LBH: variants seen among roughly 807,000 people sequenced by gnomAD.
LBH encodes protein LBH.
In LBH, 7 loss-of-function variants were observed where a neutral mutation model predicts 12.5. The ratio of observed to expected loss-of-function variants is 0.56; its 90% CI spans 0.32 to 1.05. LBH has a LOEUF of 1.05. LBH is among the 50% of genes least tolerant of loss of function. The probability of loss-of-function intolerance (pLI) is 0.04; values close to 1 mark genes in which losing one functional copy is unlikely to be tolerated. For missense variants in LBH, 119 were observed against 138.9 expected (o/e 0.86, Z 0.72); for synonymous variants, 51 against 50.1 (o/e 1.02, Z -0.08).
At chr2:30,254,433 G>T (rs898573088) in intron 2 of LBH, among the ~76,000 whole-genome samples, 1 of 152,184 alleles carries the variant, frequency 6.6e-6, no homozygotes, top group African/African-American at 2.4e-5. Flanking sequence ...AAGTTGGGGG[G>T]TGGTAACTAG....
intron 2 of LBH, among the ~76,000 whole-genome samples, chr2:30,239,056 A>AT (rs1677739806): frequency 1.3e-5 from 2 of 151,800 alleles, no homozygotes; most frequent in South Asian, 2.1e-4. Flanking sequence ...CGCCCAGCTA[A>AT]TTTTTTGTAT....
intron 2 of LBH, among the ~76,000 whole-genome samples, chr2:30,250,944 G>T (rs1029336233): frequency 2.7e-5 from 4 of 150,858 alleles, no homozygotes; most frequent in Non-Finnish European, 5.9e-5. Context: ...GCCATTTAAG[G>T]TTACATTAAA....
chr2:30,232,464 C>T, intron 1 of LBH: 1 of 439,102 alleles, frequency 2.3e-6, no homozygotes, highest in South Asian at 3.7e-5. Flanking sequence ...GGATCGGAGC[C>T]GGGAGGGATG....
chr2:30,250,195 G>A (rs1279336305), intron 2 of LBH, among the ~76,000 whole-genome samples: 2 of 152,164 alleles, frequency 1.3e-5, no homozygotes, highest in East Asian at 3.9e-4. Flanking sequence ...ACAAGAGAGG[G>A]TAGAAGCTTA....
chr2:30,236,025 G>A (rs1449547794), intron 2 of LBH, among the ~76,000 whole-genome samples: 2 of 152,198 alleles, frequency 1.3e-5, no homozygotes, highest in African/African-American at 2.4e-5. Context: ...ACCAGCCAGG[G>A]GGTTTTGGGT....
Position 30,257,790 on chromosome 2 carries a change from C to CTTTTT in LBH, c.*178_*182dup, listed in dbSNP as rs113721073. On this transcript the variant is annotated 3_prime_UTR_variant, in exon 3 of 3. Transcript: ENST00000395323. ...AGTTGGTTTTCTTTTCTTTTCTTGC[C>CTTTTT]TTTTTTTTTTTTTGAAATTTGCCGA... is the stretch of plus-strand genomic sequence containing the variant. 6,967 of 400,266 alleles carry CTTTTT rather than the reference C, an allele frequency of 0.017. 55 individuals carry two copies. The highest frequency in any genetic ancestry group is 0.038 in the African/African-American group (1,547 of 41,146). 24.8% of individuals were successfully genotyped at this position (400,266 alleles called of 1,614,324 possible).
intron 1 of LBH, chr2:30,232,736 C>CA (rs1389866454): frequency 6.6e-6 from 1 of 152,472 alleles, no homozygotes; most frequent in African/African-American, 2.4e-5. Flanking sequence ...GCCGGCGCCA[C>CA]AGCCCCGAGC....
chr2:30,247,292 A>G (rs1039915927), intron 2 of LBH, among the ~76,000 whole-genome samples: 2 of 152,346 alleles, frequency 1.3e-5, no homozygotes, highest in Middle Eastern at 3.4e-3. Flanking sequence ...CAAGTTATGC[A>G]GGTCTTCAAA....
rs563897947 is a variant in LBH, at chr2:30,245,345, A to G, written c.129+10838A>G. On this transcript the variant is annotated intron_variant, in intron 2 of 2. Coordinates refer to ENST00000395323, the MANE Select transcript of LBH (RefSeq NM_030915.4). ...ATGTATATTTTATTTTAAAATGTCAATATGTATAATATATCAGGGATTTTA... is the reference window on the plus strand; with the variant it reads ...ATGTATATTTTATTTTAAAATGTCAGTATGTATAATATATCAGGGATTTTA... Among the ~76,000 whole-genome samples, 5 of 152,350 alleles carry G rather than the reference A, an allele frequency of 3.3e-5. No homozygotes were observed. In the South Asian group the frequency reaches 6.2e-4, roughly 19 times the overall value.
chr2:30,257,868 A>T lies in LBH; in HGVS notation c.*247A>T. ...GGCCCTCTGAGAAAGGAAGCTGCTT[A>T]GAGCCAGGGGGTTAGTGGGTGAGGG... On this transcript the variant is annotated 3_prime_UTR_variant, in exon 3 of 3. Transcript: ENST00000395323. 1 of 356,988 alleles carries T rather than the reference A, an allele frequency of 2.8e-6. No homozygotes were observed. The highest frequency in any genetic ancestry group is 5.0e-6 in the Non-Finnish European group (1 of 198,186). 22.1% of individuals were successfully genotyped at this position (356,988 alleles called of 1,614,324 possible). A position where few individuals can be genotyped will look rare whatever the true frequency, so the allele number is the denominator to read the frequency against.
intron 2 of LBH, among the ~76,000 whole-genome samples, chr2:30,242,127 G>A (rs1397031136): frequency 6.6e-6 from 1 of 151,698 alleles, no homozygotes; most frequent in Non-Finnish European, 1.5e-5. Flanking sequence ...ATAAATCTTT[G>A]TGCATACTTT....
intron 2 of LBH, among the ~76,000 whole-genome samples, chr2:30,244,671 G>A (rs1677844082): frequency 6.6e-6 from 1 of 152,112 alleles, no homozygotes; most frequent in African/African-American, 2.4e-5. Flanking sequence ...AGAGGCTGAG[G>A]TGGGCAGATT....
Position 30,231,647 on chromosome 2 carries a change from G to A in LBH, c.-92G>A, listed in dbSNP as rs547902554. ...GCCCGGTGTCCGCACTCGGCCGCCT[G>A]CCGTGCCCGTCTGCGCCCGTGTCAT... On this transcript the variant is annotated 5_prime_UTR_variant, in exon 1 of 3. Transcript: ENST00000395323. The A allele has an allele frequency of 3.8e-5, 51 of 1,330,070 alleles. No homozygotes were observed. In the African/African-American group the frequency reaches 5.6e-4, roughly 15 times the overall value. The allele number at this position is 1,330,070 out of a possible 1,614,324, so 82.4% of individuals were successfully genotyped here.
At chr2:30,251,439 G>A (rs1228674823) in intron 2 of LBH, among the ~76,000 whole-genome samples, 1 of 151,924 alleles carries the variant, frequency 6.6e-6, no homozygotes, top group Non-Finnish European at 1.5e-5. Context: ...TTCCCAAAAT[G>A]CCACGGCCTG....
In LBH at chr2:30,231,554, C is replaced by T. The variant is rs1030971336; in HGVS notation, c.-185C>T. 9.7e-6 allele frequency: 6 copies of T among 620,538 alleles called. No individual in the cohort carries two copies. Among genetic ancestry groups the T allele is most frequent in the African/African-American group, 2.0e-5 (1 of 50,318 alleles). 38.4% of individuals were successfully genotyped at this position (620,538 alleles called of 1,614,324 possible). On this transcript the variant is annotated 5_prime_UTR_variant, in exon 1 of 3. Transcript: ENST00000395323. The stretch of plus-strand genomic sequence containing the variant: ...GTGGGGCTGAGTGCTCAGTGGAGAG[C>T]GGGGAGTTGTGTCCACCTTGCCGAC...
In LBH at chr2:30,256,380, G is replaced by T. The variant is rs144406249; in HGVS notation, c.130-1053G>T. ...AGGTGAAAAAGGATCCTTGGATTTT[G>T]TTCCCAGCCTGCCTGTGACTGGGGA... On this transcript the variant is annotated intron_variant, in intron 2 of 2. Coordinates refer to ENST00000395323, the MANE Select transcript of LBH (RefSeq NM_030915.4). Among the ~76,000 whole-genome samples the T allele has an allele frequency of 8.4e-3, 1,276 of 152,300 alleles. 45 individuals carry two copies. The highest frequency in any genetic ancestry group is 0.063 in the Admixed American group (966 of 15,298).
chr2:30,247,898 T>C (rs1677903957), intron 2 of LBH, among the ~76,000 whole-genome samples: 1 of 152,236 alleles, frequency 6.6e-6, no homozygotes, highest in African/African-American at 2.4e-5. Flanking sequence ...TGCCAGCAGT[T>C]TCTTCCACTG....
In LBH at chr2:30,255,825, G is replaced by A. The variant is rs539797379; in HGVS notation, c.130-1608G>A. ...TGGGCCTGTCCCCATCTGGATCAAGGTGCAGGCAGGACCAGGCAGCCCCCC... is the reference window on the plus strand; with the variant it reads ...TGGGCCTGTCCCCATCTGGATCAAGATGCAGGCAGGACCAGGCAGCCCCCC... On this transcript the variant is annotated intron_variant, in intron 2 of 2. Transcript: ENST00000395323. Among the ~76,000 whole-genome samples the A allele has an allele frequency of 7.4e-4, 112 of 152,320 alleles. 1 individual carries two copies. Among genetic ancestry groups the A allele is most frequent in the Non-Finnish European group, 1.2e-3 (81 of 68,028 alleles).
intron 1 of LBH, chr2:30,232,235 G>T: frequency 1.5e-5 from 14 of 911,808 alleles, no homozygotes; most frequent in Non-Finnish European, 2.1e-5. Flanking sequence ...CAGAGCTCCG[G>T]GGGGGTGGGG....
Sources: allele counts gnomAD v4.1 joint callset (sites outside exome capture counted in the v4.1 genomes callset), GRCh38; gene constraint gnomAD v4.1.1; transcripts MANE v1.5; gene names NCBI Gene and HGNC (gene_info 2026-07-23, HGNC 2026-07-21).